ZBTB2: variants seen among roughly 807,000 people sequenced by gnomAD.
ZBTB2 encodes zinc finger and BTB domain-containing protein 2.
ZBTB2 carries 2 observed loss-of-function variants against 39.5 expected under a neutral mutation model. That is an observed-to-expected ratio of 0.05 (90% CI 0.02 to 0.16). The LOEUF is 0.16. Ranked by LOEUF, ZBTB2 falls within the 10% of genes least tolerant of loss-of-function variation. The probability of loss-of-function intolerance (pLI) is 1.00; values close to 1 mark genes in which losing one functional copy is unlikely to be tolerated. For missense variants in ZBTB2, 391 were observed against 653.0 expected, an observed-to-expected ratio of 0.60 and a Z score of 4.37; for synonymous variants, 251 against 256.6, an observed-to-expected ratio of 0.98 and a Z score of 0.21.
chr6:151,390,445 C>A (rs1232064452), intron 1 of ZBTB2, among the ~76,000 whole-genome samples: 1 of 149,646 alleles, frequency 6.7e-6, no homozygotes. Flanking sequence ...CCCGCGTGCG[C>A]GCGCGCGCTC....
intron 2 of ZBTB2, among the ~76,000 whole-genome samples, chr6:151,372,884 G>A (rs1402909714): frequency 6.6e-6 from 1 of 152,076 alleles, no homozygotes; most frequent in African/African-American, 2.4e-5. Flanking sequence ...GCCGGGTGTG[G>A]TGGCTCACGC....
chr6:151,390,085 G>C (rs529995614), intron 1 of ZBTB2, among the ~76,000 whole-genome samples: 2 of 152,076 alleles, frequency 1.3e-5, no homozygotes, highest in Admixed American at 6.5e-5. Flanking sequence ...AGCGCGCTCG[G>C]GGCCAAACCG....
At chr6:151,388,258 G>C (rs1779205416) in intron 1 of ZBTB2, among the ~76,000 whole-genome samples, 1 of 152,258 alleles carries the variant, frequency 6.6e-6, no homozygotes, top group East Asian at 1.9e-4. Flanking sequence ...TGTGCAGGCT[G>C]GTGCCACGGG....
At chr6:151,369,599 C>A (rs1303596235) in intron 2 of ZBTB2, among the ~76,000 whole-genome samples, 1 of 152,114 alleles carries the variant, frequency 6.6e-6, no homozygotes, top group Admixed American at 6.5e-5. Flanking sequence ...ATTGGGATTA[C>A]AGGCGTGAAC....
At chr6:151,369,984 T>C (rs1419033127) in intron 2 of ZBTB2, 2 of 409,356 alleles carry the variant, frequency 4.9e-6, no homozygotes, top group Non-Finnish European at 6.6e-6. Flanking sequence ...GCCATCTCCA[T>C]CCCTGACTGC....
intron 1 of ZBTB2, among the ~76,000 whole-genome samples, chr6:151,383,013 C>T (rs779829405): frequency 1.5e-4 from 23 of 151,504 alleles, no homozygotes; most frequent in Non-Finnish European, 2.8e-4. Flanking sequence ...TCAACCTCTG[C>T]CTCCTGGGTT....
Position 151,366,812 on chromosome 6 carries a change from A to G in ZBTB2, c.254T>C (p.Met85Thr). ...YLLHLMYTGK[M>T]APQLIDPVRL... is the part of the protein sequence containing the mutation. ...AACCGGGTCGATGAGCTGAGGCGCC[A>G]TCTTCCCAGTGTACATCAAGTGTAA... is the stretch of plus-strand genomic sequence containing the variant. The change falls in exon 3 of 3, where the codon ATG (methionine) becomes ACG (threonine). Residue 85 changes from methionine to threonine, a missense_variant. Met to Thr is a moderately conservative substitution (Grantham distance 81, BLOSUM62 -1). Transcript: ENST00000325144. This position sits in a 1 kb window ranked among gnomAD's most constrained non-coding sequence, Gnocchi z 7.1. 6.2e-7 allele frequency: 1 copy of G among 1,614,124 alleles called. No individual in the cohort carries two copies.
intron 1 of ZBTB2, among the ~76,000 whole-genome samples, chr6:151,387,382 C>T (rs959571484): frequency 5.3e-5 from 8 of 151,252 alleles, no homozygotes; most frequent in Admixed American, 1.3e-4. Flanking sequence ...GTCAACACAG[C>T]GGAAAAGGCC....
intron 1 of ZBTB2, among the ~76,000 whole-genome samples, chr6:151,384,786 C>G (rs1304568706): frequency 5.9e-5 from 9 of 152,162 alleles, no homozygotes; most frequent in Admixed American, 5.9e-4. Flanking sequence ...TGTGAATTGT[C>G]TGCGTCTTCA....
At chr6:151,373,870 A>AAAAAAAAAAAAAAAC (rs1778843577) in intron 1 of ZBTB2, among the ~76,000 whole-genome samples, 3 of 123,550 alleles carry the variant, frequency 2.4e-5, no homozygotes, top group East Asian at 2.3e-4. Flanking sequence ...AAAAAAAAAA[A>AAAAAAAAAAAAAAAC]AAAAAAACCA....
In ZBTB2 at chr6:151,366,629, G is replaced by T. The variant is rs771385662; in HGVS notation, c.437C>A (p.Thr146Asn). Residue 146 changes from threonine (T) to asparagine (N), a missense_variant, in exon 3 of 3, where the codon ACC becomes AAC. Thr to Asn is a moderately conservative substitution (Grantham distance 65, BLOSUM62 0). Around this residue, in one of 7 missense-constraint regions of ZBTB2, gnomAD observed 175 missense variants for 198.6 expected, o/e 0.88. Coordinates refer to ENST00000325144, the MANE Select transcript of ZBTB2 (RefSeq NM_020861.3). The surrounding 1 kb of genome is among the most constrained non-coding windows in gnomAD (Gnocchi z 7.1). ...TTTTTCAGGTGCTGAAGCAATCTTG[G>T]TGGCTTGTCTCAACTGATGATCTGC... ...QIADHQLRQATKIASAPEKLG... is the reference protein window; with the variant it reads ...QIADHQLRQANKIASAPEKLG... 1 of 1,614,074 alleles carries T rather than the reference G, an allele frequency of 6.2e-7. No individual in the cohort carries two copies. The highest frequency in any genetic ancestry group is 1.1e-5 in the South Asian group (1 of 91,070).
chr6:151,389,599 T>A (rs1428710653), intron 1 of ZBTB2, among the ~76,000 whole-genome samples: 1 of 152,212 alleles, frequency 6.6e-6, no homozygotes, highest in Non-Finnish European at 1.5e-5. Context: ...ACCTTCTTTA[T>A]GCTTTATTTT....
intron 1 of ZBTB2, among the ~76,000 whole-genome samples, chr6:151,375,725 TG>T (rs1269631551): frequency 6.6e-6 from 1 of 152,086 alleles, no homozygotes; most frequent in Non-Finnish European, 1.5e-5. Flanking sequence ...CCACCAAACC[TG>T]GCTAAGTTTT....
intron 2 of ZBTB2, among the ~76,000 whole-genome samples, chr6:151,371,169 GGTTA>G (rs1562765295): frequency 6.6e-6 from 1 of 152,106 alleles, no homozygotes; most frequent in Non-Finnish European, 1.5e-5. Context: ...AACCCTCCTG[GGTTA>G]TTCTGCAGTT....
At chr6:151,380,467 T>C (rs970791307) in intron 1 of ZBTB2, among the ~76,000 whole-genome samples, 8 of 152,198 alleles carry the variant, frequency 5.3e-5, no homozygotes, top group African/African-American at 1.2e-4. Flanking sequence ...TGGCCCAAAA[T>C]ACGCCAGCTA....
intron 1 of ZBTB2, among the ~76,000 whole-genome samples, chr6:151,385,168 A>C (rs1031025732): frequency 6.6e-6 from 1 of 152,234 alleles, no homozygotes; most frequent in African/African-American, 2.4e-5. Flanking sequence ...TTTTCATGGA[A>C]TGCCTTCTTT....
chr6:151,390,056 G>A (rs1779249231), intron 1 of ZBTB2, among the ~76,000 whole-genome samples: 2 of 152,050 alleles, frequency 1.3e-5, no homozygotes. Context: ...ACGCCCCAAG[G>A]CTAAGCAGCC....
At chr6:151,373,015 C>T (rs955149173) in intron 2 of ZBTB2, among the ~76,000 whole-genome samples, 7 of 151,500 alleles carry the variant, frequency 4.6e-5, no homozygotes, top group Admixed American at 1.3e-4. Context: ...ATTAGCCGGG[C>T]GTGGCGGCGG....
rs966482978 is a variant in ZBTB2, at chr6:151,375,193, C to CA, written c.-12-1545dup. On this transcript the variant is annotated intron_variant, in intron 1 of 2. Coordinates refer to ENST00000325144, the MANE Select transcript of ZBTB2 (RefSeq NM_020861.3). Reference sequence around the variant, plus strand: ...ACGAGTTTGGCAAGTCATAAACATACAAAAAAAAATCAGCTGTAATTCTAT... The same window carrying CA: ...ACGAGTTTGGCAAGTCATAAACATACAAAAAAAAAATCAGCTGTAATTCTAT... Among the ~76,000 whole-genome samples, 303 of 151,012 alleles carry CA rather than the reference C, an allele frequency of 2.0e-3. 3 individuals carry two copies. The highest frequency in any genetic ancestry group is 6.1e-3 in the African/African-American group (251 of 41,230).
Sources: gnomAD v4.1 joint callset for allele counts (sites outside exome capture counted in the v4.1 genomes callset) on GRCh38, gnomAD v4.1.1 for gene constraint, gnomAD v4.1.1 regional missense constraint, Gnocchi (gnomAD v3.1) non-coding constraint, MANE v1.5 for transcripts, NCBI Gene and HGNC (gene_info 2026-07-23, HGNC 2026-07-21) for gene names.